Variants in NEK11 observed in about 807,000 individuals in gnomAD.
NEK11 encodes the protein serine/threonine-protein kinase Nek11.
A neutral mutation model predicts 80.7 loss-of-function variants in NEK11; 72 were observed. That is an observed-to-expected ratio of 0.89 (90% CI 0.74 to 1.08). The LOEUF is 1.08. Among genes scored for constraint, NEK11 ranks in the 50% least tolerant of loss-of-function variants. NEK11 has a pLI of 0.00. For missense variants in NEK11, 764 were observed against 763.6 expected (o/e 1.00, Z -0.01); for synonymous variants, 251 against 260.7 (o/e 0.96, Z 0.36).
intron 14 of NEK11, among the ~76,000 whole-genome samples, chr3:131,227,144 A>G (rs1043353269): frequency 1.3e-5 from 2 of 151,842 alleles, no homozygotes; most frequent in Non-Finnish European, 2.9e-5. Flanking sequence ...GGCAATTTTG[A>G]ATATATGTAA....
intron 17 of NEK11, among the ~76,000 whole-genome samples, chr3:131,312,675 A>T (rs2096793641): frequency 6.6e-6 from 1 of 152,062 alleles, no homozygotes; most frequent in South Asian, 2.1e-4. Flanking sequence ...AACAGCACAA[A>T]CTCAAGTTGA....
intron 16 of NEK11, among the ~76,000 whole-genome samples, chr3:131,272,116 A>G (rs1201297829): frequency 1.3e-5 from 2 of 152,168 alleles, no homozygotes; most frequent in Non-Finnish European, 2.9e-5. Context: ...AAAGAAGAAG[A>G]AAAAGTTTTA....
intron 17 of NEK11, among the ~76,000 whole-genome samples, chr3:131,320,231 C>T (rs1185514257): frequency 1.3e-5 from 2 of 152,028 alleles, no homozygotes; most frequent in South Asian, 2.1e-4. Flanking sequence ...GTCAGATCAT[C>T]AGTAAAATAA....
At chr3:131,256,270 G>A (rs1312505026) in intron 16 of NEK11, among the ~76,000 whole-genome samples, 1 of 152,122 alleles carries the variant, frequency 6.6e-6, no homozygotes, top group Non-Finnish European at 1.5e-5. Context: ...TAAATACACT[G>A]ATTTGATTTT....
At chr3:131,323,187 G>A (rs558144380) in intron 17 of NEK11, among the ~76,000 whole-genome samples, 2 of 152,214 alleles carry the variant, frequency 1.3e-5, no homozygotes, top group Middle Eastern at 3.4e-3. Context: ...CCACCTTAAC[G>A]AGGAATTTTC....
intron 15 of NEK11, among the ~76,000 whole-genome samples, chr3:131,238,902 C>A (rs2095477997): frequency 1.3e-5 from 2 of 151,896 alleles, no homozygotes; most frequent in African/African-American, 2.4e-5. Context: ...TCACGATGTG[C>A]AAATTTTATC....
At chr3:131,043,315 G>A (rs983146846) in intron 3 of NEK11, among the ~76,000 whole-genome samples, 7 of 152,242 alleles carry the variant, frequency 4.6e-5, no homozygotes, top group East Asian at 1.9e-4. Context: ...GAACTCCTCC[G>A]AGCTAAAGGA....
intron 17 of NEK11, among the ~76,000 whole-genome samples, chr3:131,321,245 A>T (rs1160780231): frequency 6.6e-6 from 1 of 152,170 alleles, no homozygotes. Context: ...AAAATAAGCA[A>T]TGGGGAAAGG....
At chr3:131,193,891 C>T (rs1276405363) in intron 14 of NEK11, among the ~76,000 whole-genome samples, 1 of 152,192 alleles carries the variant, frequency 6.6e-6, no homozygotes, top group Non-Finnish European at 1.5e-5. Context: ...AGCAGTTTTT[C>T]ATCACTGAAG....
chr3:131,235,559 G>C (rs2095416725), intron 15 of NEK11, among the ~76,000 whole-genome samples: 1 of 152,094 alleles, frequency 6.6e-6, no homozygotes, highest in African/African-American at 2.4e-5. Context: ...GGCCATTGTT[G>C]GGGGTGCATT....
In NEK11 at chr3:131,162,342, T is replaced by C. The variant is rs1031319475; in HGVS notation, c.963-66T>C. The C allele has an allele frequency of 1.1e-5, 17 of 1,569,998 alleles. No homozygotes were observed. In the African/African-American group the frequency reaches 2.3e-4, roughly 22 times the overall value. ...GTAGTGTAGTGATACTTTTATAAAA[T>C]ATTTGTTTAATTTTTCTGAACATGT... On this transcript the variant is annotated intron_variant, in intron 10 of 17. Coordinates refer to ENST00000383366, the MANE Select transcript of NEK11 (RefSeq NM_024800.5).
In NEK11 at chr3:131,170,802, G is replaced by T. The variant is rs1025344847; in HGVS notation, c.1314G>T (p.Leu438=). 3.7e-6 allele frequency: 6 copies of T among 1,613,928 alleles called. No individual in the cohort carries two copies. The African/African-American group carries it at 8.0e-5, about 22-fold the overall frequency. Reference sequence around the variant, plus strand: ...CTGATGAACCAACTTTAGAGAACCTGCCTGAGTCTCAGCCTATTCCTTCCA... The same window carrying T: ...CTGATGAACCAACTTTAGAGAACCTTCCTGAGTCTCAGCCTATTCCTTCCA... ...EESDEPTLEN[L]PESQPIPSMD... The change falls in exon 14 of 18, where the codon CTG becomes CTT. Residue 438 remains leucine (L), a synonymous_variant. Coordinates refer to ENST00000383366, the MANE Select transcript of NEK11 (RefSeq NM_024800.5).
intron 10 of NEK11, among the ~76,000 whole-genome samples, chr3:131,158,805 A>T (rs148931093): frequency 6.6e-6 from 1 of 152,068 alleles, no homozygotes; most frequent in African/African-American, 2.4e-5. Flanking sequence ...CTCCACCACC[A>T]CTGCCGCTGC....
rs531053969 is a variant in NEK11, at chr3:131,309,655, T to C, written c.1718+36081T>C. Among the ~76,000 whole-genome samples the C allele has an allele frequency of 2.0e-5, 3 of 151,788 alleles. No individual in the cohort carries two copies. In the East Asian group the frequency reaches 5.8e-4, roughly 29 times the overall value. On this transcript the variant is annotated intron_variant, in intron 17 of 17. Transcript: ENST00000383366. Reference sequence around the variant, plus strand: ...ATCTGCCGAAGTGGAAGAATGGATGTTGAGTAAATTAAGGAAGTGGGTCTT... The same window carrying C: ...ATCTGCCGAAGTGGAAGAATGGATGCTGAGTAAATTAAGGAAGTGGGTCTT...
At chr3:131,191,695 TA>T (rs887144978) in intron 14 of NEK11, among the ~76,000 whole-genome samples, 12 of 151,976 alleles carry the variant, frequency 7.9e-5, no homozygotes, top group Admixed American at 2.0e-4. Flanking sequence ...TGAATTCTGA[TA>T]AAAAAAATAC....
Position 131,109,870 on chromosome 3 carries a change from T to A in NEK11, c.404T>A (p.Ile135Lys). The change falls in exon 5 of 18, where the codon ATA becomes AAA. Residue 135 changes from isoleucine (I) to lysine (K), a missense_variant. Transcript: ENST00000383366. ...GGAAAAATCTTTCCAGAAAATCAAATAATAGAATGGTTTATCCAGCTGCTG... is the reference window on the plus strand; with the variant it reads ...GGAAAAATCTTTCCAGAAAATCAAAAAATAGAATGGTTTATCCAGCTGCTG... ...QAGKIFPENQ[I>K]IEWFIQLLLG... 1 of 1,603,932 alleles carries A rather than the reference T, an allele frequency of 6.2e-7. No homozygotes were observed. Among genetic ancestry groups the A allele is most frequent in the Non-Finnish European group, 8.5e-7 (1 of 1,176,128 alleles).
intron 3 of NEK11, among the ~76,000 whole-genome samples, chr3:131,059,059 G>T (rs967474579): frequency 5.3e-5 from 8 of 152,242 alleles, no homozygotes; most frequent in Admixed American, 3.3e-4. Context: ...TTAATACAAG[G>T]TGTAACTGAT....
At chr3:131,269,980 G>C (rs1198262699) in intron 16 of NEK11, among the ~76,000 whole-genome samples, 1 of 152,176 alleles carries the variant, frequency 6.6e-6, no homozygotes, top group African/African-American at 2.4e-5. Context: ...TACCTGGGAA[G>C]GTTCCTCTGC....
chr3:131,303,870 C>T (rs2096691631), intron 17 of NEK11, among the ~76,000 whole-genome samples: 1 of 152,256 alleles, frequency 6.6e-6, no homozygotes, highest in Non-Finnish European at 1.5e-5. Context: ...GGGTTCTCTG[C>T]ACTTCCTGAT....
Sources: gnomAD v4.1 joint callset for allele counts (sites outside exome capture counted in the v4.1 genomes callset) on GRCh38, gnomAD v4.1.1 for gene constraint, MANE v1.5 for transcripts, NCBI Gene and HGNC (gene_info 2026-07-23, HGNC 2026-07-21) for gene names.